ERC2: variants seen among roughly 807,000 people sequenced by gnomAD.
ERC2 encodes ERC protein 2.
Under a neutral mutation model 114.8 loss-of-function variants are expected in ERC2, and 42 were observed. The observed-to-expected ratio is 0.37, with a 90% CI of 0.29 to 0.47. The LOEUF is 0.47. ERC2 is among the 20% of genes least tolerant of loss of function. The probability of loss-of-function intolerance (pLI) is 0.99; values close to 1 mark genes in which losing one functional copy is unlikely to be tolerated. For missense variants in ERC2, 939 were observed against 1,150.7 expected, an observed-to-expected ratio of 0.82 and a Z score of 2.66; for synonymous variants, 454 against 425.5, an observed-to-expected ratio of 1.07 and a Z score of -0.82.
chr3:56,238,568 G>A (rs1276614239), intron 3 of ERC2, among the ~76,000 whole-genome samples: 1 of 152,240 alleles, frequency 6.6e-6, no homozygotes, highest in Non-Finnish European at 1.5e-5. Context: ...TCTTTAGTCT[G>A]CAGGGCTGGC....
intron 4 of ERC2, among the ~76,000 whole-genome samples, chr3:56,159,590 G>T (rs867028448): frequency 2.0e-5 from 3 of 152,142 alleles, no homozygotes; most frequent in African/African-American, 7.2e-5. Context: ...GAGGTTTGGG[G>T]TATAAATGAT....
intron 6 of ERC2, among the ~76,000 whole-genome samples, chr3:56,126,555 T>G (rs1052292047): frequency 2.8e-4 from 42 of 152,062 alleles, no homozygotes; most frequent in African/African-American, 9.9e-4. Context: ...GCCAAAAATT[T>G]GAGATCAGCC....
chr3:56,156,295 A>T lies in ERC2; in HGVS notation c.1150-7163T>A, dbSNP rs138171796. ...TGAAGAGCCTAAAGACTAAGAAAAA[A>T]GTTAAGATGGCATTGGTGACATGAG... On this transcript the variant is annotated intron_variant, in intron 4 of 17. Transcript: ENST00000288221. Among the ~76,000 whole-genome samples, 258 of 152,316 alleles carry T rather than the reference A, an allele frequency of 1.7e-3. 4 individuals are homozygous for T. Among genetic ancestry groups the T allele is most frequent in the African/African-American group, 6.1e-3 (252 of 41,582 alleles).
intron 10 of ERC2, among the ~76,000 whole-genome samples, chr3:56,003,933 C>CT (rs1424890371): frequency 6.6e-6 from 1 of 151,786 alleles, no homozygotes; most frequent in Non-Finnish European, 1.5e-5. Context: ...TTCTAAATAC[C>CT]TGCACTATTT....
At chr3:55,810,200 T>C (rs1483222100) in intron 14 of ERC2, among the ~76,000 whole-genome samples, 1 of 152,172 alleles carries the variant, frequency 6.6e-6, no homozygotes. Context: ...ACAGAAATCA[T>C]ATCATAGAAG....
chr3:55,785,671 C>A lies in ERC2; in HGVS notation c.2565-50753G>T, dbSNP rs112463435. ...TGTCCACATCTTCTCATTCATGCTG[C>A]CCGGAAGTGCCTTTGACTTTTCAGC... On this transcript the variant is annotated intron_variant, in intron 14 of 17. Coordinates refer to ENST00000288221, the MANE Select transcript of ERC2 (RefSeq NM_015576.3). 2.8e-3 allele frequency among the ~76,000 whole-genome samples: 431 copies of A among 152,322 alleles called. 2 individuals carry two copies. Among genetic ancestry groups the A allele is most frequent in the African/African-American group, 9.9e-3 (411 of 41,570 alleles).
chr3:55,641,915 G>A, intron 17 of ERC2, among the ~76,000 whole-genome samples: 1 of 152,162 alleles, frequency 6.6e-6, no homozygotes, highest in East Asian at 1.9e-4. Context: ...AGGGCACAAG[G>A]AAGATTACAA....
At chr3:56,161,826 C>G (rs939417622) in intron 4 of ERC2, among the ~76,000 whole-genome samples, 9 of 152,148 alleles carry the variant, frequency 5.9e-5, no homozygotes, top group Non-Finnish European at 1.2e-4. Context: ...ATCATACCGT[C>G]AGTGAAGAGA....
chr3:55,990,669 G>A (rs868317446), intron 11 of ERC2, among the ~76,000 whole-genome samples: 12 of 152,112 alleles, frequency 7.9e-5, no homozygotes, highest in African/African-American at 2.9e-4. Flanking sequence ...TCTCACCTTG[G>A]CCTCCCAAAG....
In ERC2 at chr3:55,938,390, T is replaced by C. The variant is rs539475606; in HGVS notation, c.2403+12035A>G. 1.7e-4 allele frequency among the ~76,000 whole-genome samples: 26 copies of C among 152,368 alleles called. No homozygotes were observed. The East Asian group carries it at 4.8e-3, about 28-fold the overall frequency. On this transcript the variant is annotated intron_variant, in intron 13 of 17. Coordinates refer to ENST00000288221, the MANE Select transcript of ERC2 (RefSeq NM_015576.3). ...TAACTACTACCCTGGTCTCAACCAC[T>C]GGACTCTAACGTACATGTGGTAATT...
intron 14 of ERC2, among the ~76,000 whole-genome samples, chr3:55,742,924 G>A (rs1267640657): frequency 1.3e-5 from 2 of 152,202 alleles, no homozygotes; most frequent in African/African-American, 4.8e-5. Flanking sequence ...CATGCAGAAA[G>A]CAAAGCAGCT....
At chr3:56,252,835 T>C (rs1444807415) in intron 3 of ERC2, among the ~76,000 whole-genome samples, 1 of 151,414 alleles carries the variant, frequency 6.6e-6, no homozygotes, top group East Asian at 1.9e-4. Flanking sequence ...AACATTGGAA[T>C]TACAAAAGCA....
chr3:56,177,518 C>A (rs1168112938), intron 3 of ERC2, among the ~76,000 whole-genome samples: 1 of 152,188 alleles, frequency 6.6e-6, no homozygotes. Flanking sequence ...TCACAGATCT[C>A]TGTAAAAATC....
intron 2 of ERC2, among the ~76,000 whole-genome samples, chr3:56,433,190 AAAAGAG>A (rs776983538): frequency 9.5e-4 from 18 of 19,024 alleles, no homozygotes; most frequent in Admixed American, 2.6e-3. Flanking sequence ...AAAAAAAAAA[AAAAGAG>A]AGAGAGAGAG....
At position 55,704,218 on chromosome 3, in the gene ERC2, C is replaced by T. The variant is rs143204808; in HGVS notation, c.2713-4706G>A. Among the ~76,000 whole-genome samples the T allele has an allele frequency of 3.5e-4, 54 of 152,236 alleles. No homozygotes were observed. In the East Asian group the frequency reaches 8.9e-3, roughly 25 times the overall value. On this transcript the variant is annotated intron_variant, in intron 15 of 17. Coordinates refer to ENST00000288221, the MANE Select transcript of ERC2 (RefSeq NM_015576.3). ...TTGAAACAAAATGAAAATCCTTGAT[C>T]GACTAGTAATAGACTCAATAGCCTA...
intron 15 of ERC2, among the ~76,000 whole-genome samples, chr3:55,706,277 G>T (rs1437025954): frequency 6.6e-6 from 1 of 152,148 alleles, no homozygotes. Flanking sequence ...TCCCTTCCCT[G>T]TATCACTGCC....
chr3:55,864,184 C>T (rs1341488640), intron 14 of ERC2, among the ~76,000 whole-genome samples: 2 of 134,552 alleles, frequency 1.5e-5, no homozygotes, highest in African/African-American at 5.9e-5. Flanking sequence ...TATATATACA[C>T]ATATATATAT....
At chr3:56,040,312 G>T (rs2075054682) in intron 7 of ERC2, among the ~76,000 whole-genome samples, 1 of 151,742 alleles carries the variant, frequency 6.6e-6, no homozygotes, top group Non-Finnish European at 1.5e-5. Flanking sequence ...TAATTACTTT[G>T]ATTTTTTTTC....
intron 17 of ERC2, among the ~76,000 whole-genome samples, chr3:55,634,936 T>C (rs1179506276): frequency 6.6e-6 from 1 of 151,694 alleles, no homozygotes; most frequent in Non-Finnish European, 1.5e-5. Flanking sequence ...GGCTGGAGTA[T>C]GGTGGCACGA....
Sources: allele counts gnomAD v4.1 joint callset (sites outside exome capture counted in the v4.1 genomes callset), GRCh38; gene constraint gnomAD v4.1.1; transcripts MANE v1.5; gene names NCBI Gene and HGNC (gene_info 2026-07-23, HGNC 2026-07-21).